The following FOXO1 variants were observed in gnomAD, a reference collection of about 807,000 sequenced individuals.
The protein encoded by FOXO1 is forkhead box protein O1.
Under a neutral mutation model 44.1 loss-of-function variants are expected in FOXO1, and 6 were observed. That is an observed-to-expected ratio of 0.14 (90% CI 0.07 to 0.27). The LOEUF is 0.27. Among genes scored for constraint, FOXO1 ranks in the 10% least tolerant of loss-of-function variants. The pLI is 1.00. For missense variants in FOXO1, 737 were observed against 888.8 expected (o/e 0.83, Z 2.17); for synonymous variants, 380 against 362.7 (o/e 1.05, Z -0.54).
chr13:40,578,862 A>C (rs1874858716), intron 1 of FOXO1, among the ~76,000 whole-genome samples: 4 of 152,222 alleles, frequency 2.6e-5, no homozygotes, highest in Admixed American at 2.6e-4. Flanking sequence ...ACATGCATGC[A>C]CATGCACACC....
rs569097843 is a variant in FOXO1 at position 40,563,590 on chromosome 13, G to A, written c.631-2730C>T. 4.0e-5 allele frequency among the ~76,000 whole-genome samples: 6 copies of A among 151,456 alleles called. No individual in the cohort carries two copies. The East Asian group carries it at 9.7e-4, about 25-fold the overall frequency. ...GGCAGTGACTGTCTCCTGTTCCCAA[G>A]AATCCCCACCTTCCTCCACACCCAA... is the stretch of plus-strand genomic sequence containing the variant. On this transcript the variant is annotated intron_variant, in intron 1 of 2. Coordinates refer to ENST00000379561, the MANE Select transcript of FOXO1 (RefSeq NM_002015.4).
At chr13:40,603,808 A>G (rs1389051221) in intron 1 of FOXO1, among the ~76,000 whole-genome samples, 4 of 152,208 alleles carry the variant, frequency 2.6e-5, no homozygotes, top group Non-Finnish European at 5.9e-5. Context: ...TTTCACATTC[A>G]TATTTAATAA....
At chr13:40,633,310 C>A (rs1877038708) in intron 1 of FOXO1, among the ~76,000 whole-genome samples, 1 of 152,128 alleles carries the variant, frequency 6.6e-6, no homozygotes, top group Admixed American at 6.5e-5. Context: ...AAAAACTATA[C>A]ATGAATAATC....
intron 1 of FOXO1, among the ~76,000 whole-genome samples, chr13:40,606,371 G>A (rs1324219902): frequency 7.9e-5 from 12 of 151,930 alleles, no homozygotes; most frequent in Non-Finnish European, 1.8e-4. Flanking sequence ...GTGCAGTGGC[G>A]CAATCTTAGC....
At chr13:40,615,564 CAT>C (rs879586315) in intron 1 of FOXO1, among the ~76,000 whole-genome samples, 8,537 of 150,140 alleles carry the variant, frequency 0.057, 270 homozygotes, top group South Asian at 0.15. Context: ...TACATACATA[CAT>C]ACATACATAC....
At chr13:40,619,833 T>G in intron 1 of FOXO1, 1 of 764,572 alleles carries the variant, frequency 1.3e-6, no homozygotes, top group African/African-American at 1.7e-5. Flanking sequence ...ACCAGTCGGG[T>G]GGCAGCTAAC....
Position 40,559,717 on chromosome 13 carries a change from G to A in FOXO1, c.1774C>T (p.Leu592Phe). The A allele has an allele frequency of 6.2e-7, 1 of 1,614,094 alleles. No homozygotes were observed. The highest frequency in any genetic ancestry group is 8.5e-7 in the Non-Finnish European group (1 of 1,179,980). Residue 592 changes from leucine (L) to phenylalanine (F), a missense_variant, in exon 2 of 3, where the codon CTT becomes TTT. This residue lies in a region of FOXO1 where 283 missense variants were observed against 278.1 expected (regional missense o/e 1.02). Transcript: ENST00000379561. ...CTTGGGAGCTTCTCCTGGTGGAGAA[G>A]GCCCATTCTGCCATAGCCATTGCAG... ...SSCNGYGRMGLLHQEKLPSDL... is the reference protein window; with the variant it reads ...SSCNGYGRMGFLHQEKLPSDL...
intron 1 of FOXO1, among the ~76,000 whole-genome samples, chr13:40,603,353 CAAAA>C (rs60741629): frequency 5.4e-5 from 4 of 73,940 alleles, no homozygotes; most frequent in South Asian, 4.2e-4. Flanking sequence ...CAGATGAATC[CAAAA>C]AAAAAAAAAA....
chr13:40,560,352 A>C lies in FOXO1; in HGVS notation c.1139T>G (p.Leu380Arg), dbSNP rs2137822946. 1 of 1,614,202 alleles carries C rather than the reference A, an allele frequency of 6.2e-7. No individual in the cohort carries two copies. Among genetic ancestry groups the C allele is most frequent in the Non-Finnish European group, 8.5e-7 (1 of 1,180,052 alleles). The change falls in exon 2 of 3, where the codon CTT becomes CGT. Residue 380 changes from leucine to arginine, a missense_variant. By Grantham distance (102) the Leu-to-Arg change is moderately radical. This residue lies in a region of FOXO1 where 136 missense variants were observed against 186.4 expected (regional missense o/e 0.73). Transcript: ENST00000379561. This position sits in a 1 kb window ranked among gnomAD's most constrained non-coding sequence, Gnocchi z 5.1. ...NMENLLDNLN[L>R]LSSPTSLTVS... ...AGTTAATGATGTTGGTGATGAGAGAAGGTTGAGATTATCCAAAAGATTTTC... is the reference window on the plus strand; with the variant it reads ...AGTTAATGATGTTGGTGATGAGAGACGGTTGAGATTATCCAAAAGATTTTC...
chr13:40,617,690 T>G (rs1355926164), intron 1 of FOXO1, among the ~76,000 whole-genome samples: 1 of 151,740 alleles, frequency 6.6e-6, no homozygotes, highest in Non-Finnish European at 1.5e-5. Flanking sequence ...CCAAACATGT[T>G]GGGGGGAAAA....
In FOXO1 at chr13:40,623,864, A is replaced by G. The variant is rs9577077; in HGVS notation, c.630+41719T>C. Reference sequence around the variant, plus strand: ...CGCCTGTAATCCCAACACTTTGGGAAGCTGAGGCAGGAGGAGTTTGAGACC... The same window carrying G: ...CGCCTGTAATCCCAACACTTTGGGAGGCTGAGGCAGGAGGAGTTTGAGACC... On this transcript the variant is annotated intron_variant, in intron 1 of 2. Coordinates refer to ENST00000379561, the MANE Select transcript of FOXO1 (RefSeq NM_002015.4). 1.1e-3 allele frequency among the ~76,000 whole-genome samples: 165 copies of G among 151,878 alleles called. 4 individuals are homozygous for G. The East Asian group carries it at 0.019, about 18-fold the overall frequency.
At chr13:40,609,565 C>T (rs980252127) in intron 1 of FOXO1, among the ~76,000 whole-genome samples, 4 of 152,116 alleles carry the variant, frequency 2.6e-5, no homozygotes, top group Non-Finnish European at 5.9e-5. Context: ...CAATTCTGGA[C>T]TGTAGATAAT....
intron 1 of FOXO1, among the ~76,000 whole-genome samples, chr13:40,651,177 G>A (rs954433761): frequency 2.0e-5 from 3 of 151,726 alleles, no homozygotes; most frequent in Non-Finnish European, 4.4e-5. Context: ...GGGCTCAAGG[G>A]ATCCTCTGGC....
chr13:40,666,175 T>C lies in FOXO1; in HGVS notation c.38A>G (p.Asp13Gly). Residue 13 changes from aspartate (D) to glycine (G), a missense_variant, in exon 1 of 3, where the codon GAC becomes GGC. Physicochemically the swap from Asp to Gly is moderately conservative, Grantham distance 94. Coordinates refer to ENST00000379561, the MANE Select transcript of FOXO1 (RefSeq NM_002015.4). ...GCGCGGCCGGGGCAGCGGCTCGAAG[T>C]CCGGGTCGATCTCCACCACCTGAGG... ...EAPQVVEIDP[D>G]FEPLPRPRSC... 6.9e-7 allele frequency: 1 copy of C among 1,455,804 alleles called. No homozygotes were observed. Among genetic ancestry groups the C allele is most frequent in the Non-Finnish European group, 9.0e-7 (1 of 1,107,030 alleles). 90.2% of individuals were successfully genotyped at this position (1,455,804 alleles called of 1,614,324 possible). A position where few individuals can be genotyped will look rare whatever the true frequency, so the allele number is the denominator to read the frequency against.
chr13:40,615,562 T>C (rs138268832), intron 1 of FOXO1, among the ~76,000 whole-genome samples: 8 of 132,902 alleles, frequency 6.0e-5, no homozygotes, highest in Admixed American at 1.5e-4. Flanking sequence ...CATACATACA[T>C]ACATACATAC....
chr13:40,559,235 C>CAA (rs929590980), intron 2 of FOXO1, among the ~76,000 whole-genome samples: 12 of 152,116 alleles, frequency 7.9e-5, no homozygotes, highest in Non-Finnish European at 2.9e-5. Flanking sequence ...TGATTTATAT[C>CAA]AAATGTATTC....
chr13:40,620,386 A>C (rs1876568542), intron 1 of FOXO1: 1 of 687,674 alleles, frequency 1.5e-6, no homozygotes, highest in African/African-American at 1.8e-5. Flanking sequence ...TCACGTATTC[A>C]AACCTATGTT....
At chr13:40,587,611 A>G (rs1239656151) in intron 1 of FOXO1, among the ~76,000 whole-genome samples, 1 of 152,198 alleles carries the variant, frequency 6.6e-6, no homozygotes, top group Non-Finnish European at 1.5e-5. Flanking sequence ...CCCCAAAGAC[A>G]GTCCATCTAT....
rs987724632 is a variant in FOXO1 at position 40,666,604 on chromosome 13, G to T, written c.-392C>A. 6.6e-5 allele frequency: 13 copies of T among 196,188 alleles called. No individual in the cohort carries two copies. The highest frequency in any genetic ancestry group is 1.7e-3 in the Middle Eastern group (1 of 578). The allele number at this position is 196,188 out of a possible 1,614,324, so 12.2% of individuals were successfully genotyped here. On this transcript the variant is annotated 5_prime_UTR_variant, in exon 1 of 3. Coordinates refer to ENST00000379561, the MANE Select transcript of FOXO1 (RefSeq NM_002015.4). ...TGTTGAATGTGGCGGCTGCGGCAGC[G>T]GCTGCTGCGACTACCAGGCCGCCCG...
Sources: gnomAD v4.1 joint callset for allele counts (sites outside exome capture counted in the v4.1 genomes callset) on GRCh38, gnomAD v4.1.1 for gene constraint, gnomAD v4.1.1 regional missense constraint, Gnocchi (gnomAD v3.1) non-coding constraint, MANE v1.5 for transcripts, NCBI Gene and HGNC (gene_info 2026-07-23, HGNC 2026-07-21) for gene names.